The following RNF122 variants were observed in gnomAD, a reference collection of about 807,000 sequenced individuals.
RNF122 encodes the protein ring finger protein 122.
RNF122 carries 17 observed loss-of-function variants against 24.2 expected under a neutral mutation model. That is an observed-to-expected ratio of 0.70 (90% CI 0.48 to 1.06). The LOEUF (loss-of-function observed/expected upper bound fraction) is 1.06, where lower values mean the gene tolerates loss of function less well. Among genes scored for constraint, RNF122 ranks in the 50% least tolerant of loss-of-function variants. The probability of loss-of-function intolerance (pLI) is 0.00; values close to 1 mark genes in which losing one functional copy is unlikely to be tolerated. For synonymous variants in RNF122, 65 were observed against 71.8 expected, an observed-to-expected ratio of 0.91 and a Z score of 0.48; for missense variants, 168 against 198.1, an observed-to-expected ratio of 0.85 and a Z score of 0.91.
chr8:33,551,287 C>T lies in RNF122; in HGVS notation c.228+57G>A. The T allele has an allele frequency of 1.9e-6, 3 of 1,601,000 alleles. No homozygotes were observed. The Admixed American group carries it at 5.0e-5, about 27-fold the overall frequency. On this transcript the variant is annotated intron_variant, in intron 3 of 5. Coordinates refer to ENST00000256257, the MANE Select transcript of RNF122 (RefSeq NM_024787.3). Reference sequence around the variant, plus strand: ...GAGAACCTGAGCCTGCCCTCCTTGCCTCTTCCTATCAGGTCAGGCAGAGAA... The same window carrying T: ...GAGAACCTGAGCCTGCCCTCCTTGCTTCTTCCTATCAGGTCAGGCAGAGAA...
intron 2 of RNF122, 90 bp from the exon 3 acceptor site, chr8:33,551,479 G>C (rs995439993): frequency 3.8e-6 from 5 of 1,301,000 alleles, no homozygotes; most frequent in South Asian, 1.2e-5. Flanking sequence ...GCATTCTTCC[G>C]AGGGCAGGGA....
chr8:33,555,220 G>T (rs1810434960), intron 2 of RNF122, among the ~76,000 whole-genome samples: 1 of 151,654 alleles, frequency 6.6e-6, no homozygotes, highest in Admixed American at 6.6e-5. Context: ...GTTTGTTTTT[G>T]AGAGGGAGTT....
intron 4 of RNF122, 96 bp from the exon 5 acceptor site, chr8:33,549,588 T>A: frequency 3.4e-6 from 3 of 883,962 alleles, no homozygotes; most frequent in Non-Finnish European, 5.5e-6. Context: ...TAGTCTGTTC[T>A]ACCAGGCAGA....
intron 1 of RNF122, among the ~76,000 whole-genome samples, chr8:33,560,764 C>G (rs547764776): frequency 6.6e-6 from 1 of 151,954 alleles, no homozygotes; most frequent in Admixed American, 6.6e-5. Context: ...TGGTGAAACT[C>G]CATCTCTATT....
intron 2 of RNF122, among the ~76,000 whole-genome samples, chr8:33,551,804 C>G (rs1217454215): frequency 6.6e-6 from 1 of 152,128 alleles, no homozygotes; most frequent in Non-Finnish European, 1.5e-5. Context: ...CAGAATAAGT[C>G]TCTGTTGACC....
intron 4 of RNF122, among the ~76,000 whole-genome samples, chr8:33,550,789 A>G (rs1210740906): frequency 6.6e-6 from 1 of 151,624 alleles, no homozygotes; most frequent in Non-Finnish European, 1.5e-5. Flanking sequence ...GTATTGTGGG[A>G]CTCCTGGGGC....
chr8:33,556,459 C>G (rs945296000), intron 2 of RNF122, among the ~76,000 whole-genome samples: 3 of 152,018 alleles, frequency 2.0e-5, no homozygotes, highest in African/African-American at 4.8e-5. Flanking sequence ...GTGTATGCTT[C>G]TGTGTGTGTG....
At position 33,548,830 on chromosome 8, in the gene RNF122, G is replaced by T. The variant is rs1274271909; in HGVS notation, c.391C>A (p.Pro131Thr). Residue 131 changes from proline to threonine, a missense_variant, in exon 6 of 6, where the codon CCC (proline) becomes ACC (threonine). Transcript: ENST00000256257. The stretch of plus-strand genomic sequence containing the variant: ...CTAGCAATGGGCTTGTTACACATGG[G>T]GCAGACACAGCGAACTTCCAGCCAT... ...VKWLEVRCVC[P>T]MCNKPIASPS... 6.2e-7 allele frequency: 1 copy of T among 1,613,928 alleles called. No homozygotes were observed. Among genetic ancestry groups the T allele is most frequent in the African/African-American group, 1.3e-5 (1 of 74,934 alleles).
intron 4 of RNF122, among the ~76,000 whole-genome samples, chr8:33,549,934 T>C (rs995792095): frequency 1.3e-5 from 2 of 151,438 alleles, no homozygotes; most frequent in South Asian, 2.1e-4. Flanking sequence ...TGATCAGTTA[T>C]GTTTTTTTTT....
At chr8:33,562,538 C>A (rs1258729225) in intron 1 of RNF122, among the ~76,000 whole-genome samples, 115 of 130,952 alleles carry the variant, frequency 8.8e-4, no homozygotes, top group Admixed American at 1.1e-3. Flanking sequence ...GACCTTGTCT[C>A]AAAAAAAAAA....
chr8:33,549,195 T>G (rs1810333689), intron 5 of RNF122, among the ~76,000 whole-genome samples: 1 of 142,220 alleles, frequency 7.0e-6, no homozygotes, highest in Non-Finnish European at 1.5e-5. Flanking sequence ...CACTCCAGCC[T>G]AGGCAACAAA....
At chr8:33,556,737 G>C (rs1190010141) in intron 2 of RNF122, among the ~76,000 whole-genome samples, 2 of 152,182 alleles carry the variant, frequency 1.3e-5, no homozygotes, top group Non-Finnish European at 2.9e-5. Context: ...CCGCTTAATG[G>C]TTAGATGCAA....
intron 2 of RNF122, among the ~76,000 whole-genome samples, chr8:33,558,004 G>T (rs772799693): frequency 6.6e-6 from 1 of 152,090 alleles, no homozygotes; most frequent in Non-Finnish European, 1.5e-5. Context: ...CTAGCCAGGC[G>T]TGGTGGCGTG....
At position 33,550,920 on chromosome 8, in the gene RNF122, C is replaced by T. The variant is rs1810364348; in HGVS notation, c.270+124G>A. 6 of 872,732 alleles carry T rather than the reference C, an allele frequency of 6.9e-6. No individual in the cohort carries two copies. In the Admixed American group the frequency reaches 9.3e-5, roughly 14 times the overall value. The allele number at this position is 872,732 out of a possible 1,614,324, so 54.1% of individuals were successfully genotyped here. On this transcript the variant is annotated intron_variant, in intron 4 of 5. Coordinates refer to ENST00000256257, the MANE Select transcript of RNF122 (RefSeq NM_024787.3). ...GCTGAGATGTGTCTCCATTATTTGGCCAAAGGAGATATGAAGGCATGGACT... is the reference window on the plus strand; with the variant it reads ...GCTGAGATGTGTCTCCATTATTTGGTCAAAGGAGATATGAAGGCATGGACT...
At chr8:33,566,603 C>T in intron 1 of RNF122, 96 bp downstream of exon 1, 1 of 1,315,132 alleles carries the variant, frequency 7.6e-7, no homozygotes, top group Non-Finnish European at 1.1e-6. Flanking sequence ...AACTTGGTTC[C>T]CGAGGGAGGA....
intron 4 of RNF122, 41 bp downstream of exon 4, chr8:33,551,003 A>T (rs1461963835): frequency 1.2e-6 from 2 of 1,604,030 alleles, no homozygotes; most frequent in South Asian, 2.2e-5. Flanking sequence ...TGTCTGCCTC[A>T]CCTGCTGGGG....
rs1810314824 is a variant in RNF122, at chr8:33,548,152, CTT to C, written c.*599_*600del. 1 of 152,668 alleles carries C rather than the reference CTT, an allele frequency of 6.6e-6. No individual in the cohort carries two copies. The highest frequency in any genetic ancestry group is 6.5e-5 in the Admixed American group (1 of 15,272). The allele number at this position is 152,668 out of a possible 1,614,324, so 9.5% of individuals were successfully genotyped here. A position where few individuals can be genotyped will look rare whatever the true frequency, so the allele number is the denominator to read the frequency against. On this transcript the variant is annotated 3_prime_UTR_variant, in exon 6 of 6. Transcript: ENST00000256257. ...GGTCCTGGCAGGGGAAGGGCCCTCT[CTT>C]ACTCTGGAGTCAGCTGGCGCCCGCC... is the stretch of plus-strand genomic sequence containing the variant.
chr8:33,554,683 A>C (rs193051218), intron 2 of RNF122, among the ~76,000 whole-genome samples: 143 of 152,330 alleles, frequency 9.4e-4, no homozygotes, highest in African/African-American at 3.3e-3. Flanking sequence ...CAGCAACTAA[A>C]AATACCCTGA....
At position 33,551,330 on chromosome 8, in the gene RNF122, A is replaced by C; in HGVS notation, c.228+14T>G. On this transcript the variant is annotated intron_variant, in intron 3 of 5. Transcript: ENST00000256257. ...GCAGAGAAGGAAGCTTCTGGGAAAC[A>C]CGCAGCACTTTACCTCCTTATATCC... 6.2e-7 allele frequency: 1 copy of C among 1,614,054 alleles called. No individual in the cohort carries two copies. Among genetic ancestry groups the C allele is most frequent in the South Asian group, 1.1e-5 (1 of 91,070 alleles).
Sources: gnomAD v4.1 joint callset for allele counts (sites outside exome capture counted in the v4.1 genomes callset) on GRCh38, gnomAD v4.1.1 for gene constraint, MANE v1.5 for transcripts, NCBI Gene and HGNC (gene_info 2026-07-23, HGNC 2026-07-21) for gene names.